Variants in GPHN observed in about 807,000 individuals in gnomAD.
GPHN encodes gephyrin.
In GPHN, 17 loss-of-function variants were observed where a neutral mutation model predicts 95.5. The ratio of observed to expected loss-of-function variants is 0.18; its 90% CI spans 0.12 to 0.27. The LOEUF (loss-of-function observed/expected upper bound fraction) is 0.27. Among genes scored for constraint, GPHN ranks in the 10% least tolerant of loss-of-function variants. The probability of loss-of-function intolerance (pLI) is 1.00; values close to 1 mark genes in which losing one functional copy is unlikely to be tolerated. For missense variants in GPHN, 660 were observed against 978.1 expected (o/e 0.67, Z 4.34); for synonymous variants, 320 against 322.5 (o/e 0.99, Z 0.08).
At chr14:67,040,103 A>G (rs759835507) in intron 10 of GPHN, among the ~76,000 whole-genome samples, 1 of 152,182 alleles carries the variant, frequency 6.6e-6, no homozygotes, top group Non-Finnish European at 1.5e-5. Flanking sequence ...ATAGTACCTC[A>G]GTGCAAAAAT....
At chr14:66,835,904 C>G (rs1433611471) in intron 4 of GPHN, among the ~76,000 whole-genome samples, 1 of 149,630 alleles carries the variant, frequency 6.7e-6, no homozygotes. Flanking sequence ...AGGACCTCTT[C>G]AAGGAGAACT....
intron 5 of GPHN, among the ~76,000 whole-genome samples, chr14:66,910,527 T>C (rs1420503456): frequency 6.6e-6 from 1 of 151,968 alleles, no homozygotes; most frequent in African/African-American, 2.4e-5. Context: ...CTGTGACTCA[T>C]AAAATCTGCT....
the GPHN span, chr14:67,660,105 G>A: frequency 1.7e-6 from 1 of 588,856 alleles, no homozygotes. Flanking sequence ...CTTGCATAGT[G>A]CCCAGCAAGC....
At chr14:67,562,211 G>A in the GPHN span, 1 of 1,611,886 alleles carries the variant, frequency 6.2e-7, no homozygotes, top group South Asian at 1.1e-5. Flanking sequence ...TGTCCCTTCA[G>A]AGCCGGGAAT....
the GPHN span, among the ~76,000 whole-genome samples, chr14:67,508,414 G>A: frequency 3.9e-5 from 6 of 152,152 alleles, no homozygotes; most frequent in Non-Finnish European, 8.8e-5. Flanking sequence ...AAAACTAAAA[G>A]CCAAAAAACT....
chr14:67,083,321 A>G (rs1353737221), intron 11 of GPHN, among the ~76,000 whole-genome samples: 1 of 151,798 alleles, frequency 6.6e-6, no homozygotes, highest in Non-Finnish European at 1.5e-5. Context: ...CTGTGCTGTC[A>G]TCATGATAGT....
Position 67,091,743 on chromosome 14 carries a change from C to T in GPHN, c.1237+2668C>T, listed in dbSNP as rs561574460. Among the ~76,000 whole-genome samples the T allele has an allele frequency of 2.0e-5, 3 of 151,584 alleles. No individual in the cohort carries two copies. In the East Asian group the frequency reaches 5.8e-4, roughly 29 times the overall value. On this transcript the variant is annotated intron_variant, in intron 12 of 22. Transcript: ENST00000478722. ...TCTTGTTGCCAAAGGGAGCCATTAG[C>T]CCTTATGAGCTTTTCTGACACTGTA...
intron 8 of GPHN, among the ~76,000 whole-genome samples, chr14:66,927,411 A>G (rs139852924): frequency 0.012 from 1,830 of 150,844 alleles, 19 homozygotes; most frequent in Non-Finnish European, 0.018. Flanking sequence ...CTGCCACTTT[A>G]CTGAATTTGC....
chr14:66,836,129 C>CG (rs2061796589), intron 4 of GPHN, among the ~76,000 whole-genome samples: 1 of 131,324 alleles, frequency 7.6e-6, no homozygotes, highest in South Asian at 2.5e-4. Context: ...GAGCCCGCAT[C>CG]GCCAAGTCAA....
Position 66,508,485 on chromosome 14 carries a change from G to A in GPHN, c.-43G>A. ...CCCGGCCCGCGCGCTCCGGGCTCCG[G>A]TTTCTCCCGGCTCCTGTCAGTGCGG... is the stretch of plus-strand genomic sequence containing the variant. On this transcript the variant is annotated 5_prime_UTR_variant, in exon 1 of 23. Transcript: ENST00000478722. 6.2e-7 allele frequency: 1 copy of A among 1,600,334 alleles called. No homozygotes were observed. The highest frequency in any genetic ancestry group is 1.3e-5 in the African/African-American group (1 of 74,774).
chr14:67,549,029 C>G, the GPHN span, among the ~76,000 whole-genome samples: 1 of 152,212 alleles, frequency 6.6e-6, no homozygotes, highest in African/African-American at 2.4e-5. Context: ...AGTTTCACAA[C>G]ATATGGGTAG....
chr14:66,991,183 T>C (rs867440565), intron 9 of GPHN, among the ~76,000 whole-genome samples: 2 of 152,132 alleles, frequency 1.3e-5, no homozygotes, highest in African/African-American at 2.4e-5. Flanking sequence ...TCTTTTTCTC[T>C]ATATCATTCA....
intron 1 of GPHN, among the ~76,000 whole-genome samples, chr14:66,572,462 C>G (rs560021696): frequency 7.4e-5 from 11 of 148,718 alleles, no homozygotes; most frequent in Non-Finnish European, 1.5e-4. Flanking sequence ...TTTTTCAATT[C>G]CTTGGTTAAA....
At chr14:67,516,643 G>T in the GPHN span, among the ~76,000 whole-genome samples, 1 of 152,180 alleles carries the variant, frequency 6.6e-6, no homozygotes, top group African/African-American at 2.4e-5. Context: ...TGTCTGATGG[G>T]GCCGTAGGTC....
At chr14:67,721,635 G>T in the GPHN span, among the ~76,000 whole-genome samples, 1 of 151,892 alleles carries the variant, frequency 6.6e-6, no homozygotes, top group South Asian at 2.1e-4. Flanking sequence ...AGGGAGATAC[G>T]AATCAGAACA....
chr14:66,782,850 CAAAA>C (rs1035707724), intron 3 of GPHN, among the ~76,000 whole-genome samples: 1 of 151,548 alleles, frequency 6.6e-6, no homozygotes, highest in Admixed American at 6.6e-5. Context: ...AACAAACAAA[CAAAA>C]AAACCAAAAG....
At chr14:66,652,107 A>G (rs560201444) in intron 1 of GPHN, among the ~76,000 whole-genome samples, 1 of 152,120 alleles carries the variant, frequency 6.6e-6, no homozygotes, top group African/African-American at 2.4e-5. Context: ...CTTTCAAAAG[A>G]TTGAGTCTTT....
the GPHN span, among the ~76,000 whole-genome samples, chr14:67,443,844 G>A: frequency 3.9e-5 from 6 of 152,152 alleles, no homozygotes; most frequent in Admixed American, 3.3e-4. Context: ...ATGGGATGAG[G>A]AAACAGGTAC....
the GPHN span, among the ~76,000 whole-genome samples, chr14:67,489,123 T>C: frequency 6.6e-6 from 1 of 152,166 alleles, no homozygotes; most frequent in African/African-American, 2.4e-5. Context: ...AACTAACATA[T>C]GGATGGAACT....
Sources: allele counts gnomAD v4.1 joint callset (sites outside exome capture counted in the v4.1 genomes callset), GRCh38; gene constraint gnomAD v4.1.1; transcripts MANE v1.5; gene names NCBI Gene and HGNC (gene_info 2026-07-23, HGNC 2026-07-21).